LILRB3: variants seen among roughly 807,000 people sequenced by gnomAD.
LILRB3 encodes the protein leukocyte immunoglobulin-like receptor subfamily B member 3.
A neutral mutation model predicts 68.2 loss-of-function variants in LILRB3; 32 were observed. That is an observed-to-expected ratio of 0.47 (90% CI 0.35 to 0.63). The LOEUF is 0.63. LILRB3 is among the 30% of genes least tolerant of loss of function. The pLI, the probability that LILRB3 is intolerant of heterozygous loss-of-function variation, is 0.00. For synonymous variants in LILRB3, 185 were observed against 323.1 expected (o/e 0.57, Z 4.58); for missense variants, 502 against 791.3 (o/e 0.63, Z 4.39).
At chr19:54,219,163 G>C (rs1358990891) in exon 8 of LILRB3, 1 of 1,598,940 alleles carries the variant, frequency 6.3e-7, no homozygotes, top group Non-Finnish European at 8.5e-7. Flanking sequence ...GCTGACGGAG[G>C]AGGAGGAGGA....
At chr19:54,218,263 A>T in intron 11 of LILRB3, 98 bp downstream of exon 11, 3 of 1,505,262 alleles carry the variant, frequency 2.0e-6, no homozygotes, top group Non-Finnish European at 2.8e-6. Flanking sequence ...GTCCACCGTG[A>T]CGATGCTGAG....
chr19:54,218,095 G>C (rs867855449), intron 11 of LILRB3, among the ~76,000 whole-genome samples: 141 of 149,398 alleles, frequency 9.4e-4, no homozygotes, highest in African/African-American at 3.2e-3. Context: ...TCATTTATTC[G>C]TCATCCTCCT....
intron 11 of LILRB3, 86 bp from the exon 12 acceptor site, chr19:54,217,560 C>A: frequency 6.8e-7 from 1 of 1,467,238 alleles, no homozygotes; most frequent in Non-Finnish European, 9.2e-7. Context: ...CCGGGGTGAT[C>A]CGATTACATC....
chr19:54,219,654 A>G lies in LILRB3; in HGVS notation c.1310-409T>C, dbSNP rs915843849. On this transcript the variant is annotated intron_variant, in intron 7 of 12. Transcript: ENST00000445347. ...AATCGGGTCTGGGAGGTTCCCTGGG[A>G]GGCCTCCTCTCCCAGGAGGTCACAG... 6.1e-6 allele frequency: 9 copies of G among 1,483,820 alleles called. No homozygotes were observed. The African/African-American group carries it at 1.1e-4, about 19-fold the overall frequency. The allele number at this position is 1,483,820 out of a possible 1,614,324, so 91.9% of individuals were successfully genotyped here.
chr19:54,217,080 C>T (rs527747517), exon 13 of LILRB3: 27 of 1,614,110 alleles, frequency 1.7e-5, no homozygotes, highest in African/African-American at 9.3e-5. Flanking sequence ...GTGGGGTCTG[C>T]GTACCCCCCG....
chr19:54,218,846 A>C lies in LILRB3; in HGVS notation c.1427-8T>G. 1 of 1,613,900 alleles carries C rather than the reference A, an allele frequency of 6.2e-7. No individual in the cohort carries two copies. Among genetic ancestry groups the C allele is most frequent in the Non-Finnish European group, 8.5e-7 (1 of 1,179,860 alleles). On this transcript the variant is annotated splice_polypyrimidine_tract_variant and splice_region_variant and intron_variant, in intron 8 of 12. Transcript: ENST00000445347. Reference sequence around the variant, plus strand: ...AATCAGTCTTTCTCTGGTCTGGGTGAAGATGGACAGAGTCTCAGCCCTGGG... The same window carrying C: ...AATCAGTCTTTCTCTGGTCTGGGTGCAGATGGACAGAGTCTCAGCCCTGGG...
intron 8 of LILRB3, 33 bp from the exon 9 acceptor site, chr19:54,218,871 G>T: frequency 6.2e-7 from 1 of 1,613,922 alleles, no homozygotes; most frequent in Non-Finnish European, 8.5e-7. Flanking sequence ...TCAGCCCTGG[G>T]AACATTAGAA....
chr19:54,221,878 G>T lies in LILRB3; in HGVS notation c.608C>A (p.Thr203Asn), dbSNP rs1472825397. The change falls in exon 4 of 13, where the codon ACC becomes AAC. Residue 203 changes from threonine (T) to asparagine (N), a missense_variant. Around this residue, in one of 8 missense-constraint regions of LILRB3, gnomAD observed 37 missense variants for 59.4 expected, o/e 0.62. Transcript: ENST00000445347. ...ACTGGGGTGGGACCACACCCAGGGG[G>T]TGTTTGTATAATAGTAATAGCATGT... The T allele has an allele frequency of 3.9e-6, 6 of 1,528,984 alleles. No homozygotes were observed. In the African/African-American group the frequency reaches 7.5e-5, roughly 19 times the overall value. The allele number at this position is 1,528,984 out of a possible 1,614,324, so 94.7% of individuals were successfully genotyped here. A position where few individuals can be genotyped will look rare whatever the true frequency, so the allele number is the denominator to read the frequency against.
At chr19:54,216,493 G>C in exon 13 of LILRB3, 1 of 360,548 alleles carries the variant, frequency 2.8e-6, no homozygotes, top group Non-Finnish European at 3.9e-6. Context: ...TGTATTTTTA[G>C]TAGAGACGGG....
At chr19:54,222,550 T>G in exon 3 of LILRB3, 1 of 1,610,660 alleles carries the variant, frequency 6.2e-7, no homozygotes, top group Non-Finnish European at 8.5e-7. Context: ...GAGGGTGGGT[T>G]TGGGGAAGGG....
chr19:54,217,081 G>T, exon 13 of LILRB3: 2 of 1,614,082 alleles, frequency 1.2e-6, no homozygotes, highest in South Asian at 1.1e-5. Context: ...TGGGGTCTGC[G>T]TACCCCCCGG....
At chr19:54,219,278 G>T (rs1233707724) in intron 7 of LILRB3, 33 bp from the exon 8 acceptor site, 5 of 1,521,184 alleles carry the variant, frequency 3.3e-6, no homozygotes, top group Non-Finnish European at 4.4e-6. Context: ...TGGGAATGAT[G>T]TCATTGATGT....
chr19:54,222,012 T>C (rs2078230371), exon 4 of LILRB3: 1 of 1,610,858 alleles, frequency 6.2e-7, no homozygotes, highest in Middle Eastern at 1.7e-4. Flanking sequence ...GGTGTTCTCC[T>C]TCCTTCATCA....
At chr19:54,218,951 A>G (rs1462068785) in intron 8 of LILRB3, 113 bp from the exon 9 acceptor site, 9 of 1,548,726 alleles carry the variant, frequency 5.8e-6, no homozygotes, top group East Asian at 2.3e-5. Flanking sequence ...GATGTTCCAA[A>G]TATTTTATGA....
chr19:54,219,866 C>G (rs781347249), intron 7 of LILRB3: 1 of 1,549,272 alleles, frequency 6.5e-7, no homozygotes, highest in Admixed American at 2.0e-5. Flanking sequence ...GCCCCTCACT[C>G]ACCATTCTGA....
chr19:54,218,777 C>G (rs369844955), exon 9 of LILRB3: 3 of 1,614,106 alleles, frequency 1.9e-6, no homozygotes, highest in Admixed American at 3.3e-5. Context: ...TCAGCAGGCC[C>G]CTGTCCTTGG....
intron 11 of LILRB3, chr19:54,217,719 G>A (rs1483201311): frequency 4.1e-6 from 3 of 729,176 alleles, no homozygotes; most frequent in East Asian, 2.7e-5. Context: ...CTGCTGCCTG[G>A]GGGCCTTTGC....
chr19:54,219,893 G>A (rs988464731), intron 7 of LILRB3: 4 of 1,548,392 alleles, frequency 2.6e-6, no homozygotes, highest in Admixed American at 2.0e-5. Flanking sequence ...GACCCTGGGG[G>A]GTTAAGGGGC....
At chr19:54,219,477 G>A (rs2077856690) in intron 7 of LILRB3, 7 of 1,547,922 alleles carry the variant, frequency 4.5e-6, no homozygotes, top group South Asian at 1.2e-5. Context: ...AAGGGAGCCC[G>A]GGAGTCTGAC....
Sources: allele counts gnomAD v4.1 joint callset (sites outside exome capture counted in the v4.1 genomes callset), GRCh38; gene constraint gnomAD v4.1.1; regional missense constraint gnomAD v4.1.1; transcripts MANE v1.5; gene names NCBI Gene and HGNC (gene_info 2026-07-23, HGNC 2026-07-21).